CEP290: variants seen among roughly 807,000 people sequenced by gnomAD.
CEP290 encodes the protein centrosomal protein of 290 kDa.
A neutral mutation model predicts 344.9 loss-of-function variants in CEP290; 317 were observed. That is an observed-to-expected ratio of 0.92 (90% CI 0.84 to 1.01). The LOEUF is 1.01. Ranked by LOEUF, CEP290 falls within the 50% of genes least tolerant of loss-of-function variation. The probability of loss-of-function intolerance (pLI) is 0.00; values close to 1 mark genes in which losing one functional copy is unlikely to be tolerated. For synonymous variants in CEP290, 932 were observed against 895.8 expected (o/e 1.04, Z -0.72); for missense variants, 2,754 against 2,761.4 (o/e 1.00, Z 0.06).
chr12:88,049,050 GA>G lies in CEP290; in HGVS notation c.*133del. ...AATTTCATATAATTTTATTTATTAAGAATTCCAATCTAAGTATAAAGGTACA... is the reference window on the plus strand; with the variant it reads ...AATTTCATATAATTTTATTTATTAAGATTCCAATCTAAGTATAAAGGTACA... On this transcript the variant is annotated 3_prime_UTR_variant, in exon 54 of 54. Transcript: ENST00000552810. The G allele has an allele frequency of 2.2e-6, 1 of 458,218 alleles. No individual in the cohort carries two copies. The highest frequency in any genetic ancestry group is 3.5e-5 in the East Asian group (1 of 28,548). 28.4% of individuals were successfully genotyped at this position (458,218 alleles called of 1,614,324 possible).
chr12:88,113,935 G>T (rs1262190593), intron 20 of CEP290, among the ~76,000 whole-genome samples: 1 of 151,964 alleles, frequency 6.6e-6, no homozygotes, highest in African/African-American at 2.4e-5. Context: ...AGCAGATTTT[G>T]GGAAAAAACC....
intron 25 of CEP290, chr12:88,103,689 TG>T (rs1273301867): frequency 6.6e-6 from 1 of 152,076 alleles, no homozygotes; most frequent in Non-Finnish European, 1.5e-5. Flanking sequence ...CAATAAAGAA[TG>T]ATGAAAGCTG....
At chr12:88,059,070 T>C (rs772977529) in intron 48 of CEP290, 50 bp from the exon 49 acceptor site, 2 of 1,407,126 alleles carry the variant, frequency 1.4e-6, no homozygotes, top group East Asian at 4.7e-5. Context: ...AATACTGTTC[T>C]CATAGATTCA....
intron 37 of CEP290, among the ~76,000 whole-genome samples, chr12:88,080,676 G>A (rs766881938): frequency 2.0e-5 from 3 of 152,046 alleles, no homozygotes; most frequent in Non-Finnish European, 2.9e-5. Context: ...TGATAAGCCC[G>A]CTTTGGCATC....
At chr12:88,113,451 A>G (rs1041018860) in intron 20 of CEP290, among the ~76,000 whole-genome samples, 1 of 152,116 alleles carries the variant, frequency 6.6e-6, no homozygotes, top group Admixed American at 6.5e-5. Context: ...AGTTTTTAAC[A>G]TACCAGTATC....
chr12:88,050,011 A>T (rs1435438171), intron 53 of CEP290: 1 of 188,664 alleles, frequency 5.3e-6, no homozygotes, highest in African/African-American at 2.4e-5. Context: ...AACAGCAAAT[A>T]TTTTTTTAAG....
At chr12:88,053,445 T>A (rs2033726146) in intron 52 of CEP290, among the ~76,000 whole-genome samples, 1 of 152,092 alleles carries the variant, frequency 6.6e-6, no homozygotes, top group Admixed American at 6.6e-5. Context: ...ACTTGGGTAC[T>A]TGCTACTCTA....
intron 27 of CEP290, among the ~76,000 whole-genome samples, chr12:88,095,903 T>G (rs1020959543): frequency 4.6e-5 from 7 of 152,238 alleles, no homozygotes; most frequent in African/African-American, 1.7e-4. Context: ...CAATACCTTC[T>G]GAGACAGTAA....
chr12:88,106,732 T>C lies in CEP290; in HGVS notation c.2760A>G (p.Glu920=). The C allele has an allele frequency of 6.2e-7, 1 of 1,612,002 alleles. No homozygotes were observed. ...LRKENEKQKN[E]LLSMEAEVCE... ...AAACTTCAGCCTCCATTGACAACAA[T>C]TCATTCTTTTGCTTCTCATTTTCTT... The change falls in exon 25 of 54, where the codon GAA becomes GAG. Residue 920 remains glutamate, a synonymous_variant. Transcript: ENST00000552810.
rs1460191113 is a variant in CEP290 at position 88,049,079 on chromosome 12, G to A, written c.*105C>T. 1.7e-6 allele frequency: 1 copy of A among 603,734 alleles called. No homozygotes were observed. The highest frequency in any genetic ancestry group is 2.9e-6 in the Non-Finnish European group (1 of 346,632). The allele number at this position is 603,734 out of a possible 1,614,324, so 37.4% of individuals were successfully genotyped here. A position where few individuals can be genotyped will look rare whatever the true frequency, so the allele number is the denominator to read the frequency against. ...TCCAATCTAAGTATAAAGGTACAAGGTAGTGAGAAGGAAATACTACAGTTC... is the reference window on the plus strand; with the variant it reads ...TCCAATCTAAGTATAAAGGTACAAGATAGTGAGAAGGAAATACTACAGTTC... On this transcript the variant is annotated 3_prime_UTR_variant, in exon 54 of 54. Coordinates refer to ENST00000552810, the MANE Select transcript of CEP290 (RefSeq NM_025114.4).
chr12:88,126,385 A>G lies in CEP290; in HGVS notation c.996T>C (p.His332=), dbSNP rs746022535. The stretch of plus-strand genomic sequence containing the variant: ...CATTCTTAAGTTTCTCCCTTAGGTT[A>G]TGTAACATTTGCTGATACTCAATAA... ...DEIIEYQQML[H]NLREKLKNAQ... is the part of the protein sequence containing the mutation. The change falls in exon 12 of 54, where the codon CAT becomes CAC. Residue 332 remains histidine, a synonymous_variant. Coordinates refer to ENST00000552810, the MANE Select transcript of CEP290 (RefSeq NM_025114.4). The G allele has an allele frequency of 3.3e-6, 5 of 1,520,032 alleles. No homozygotes were observed. In the Admixed American group the frequency reaches 1.1e-4, roughly 35 times the overall value. The allele number at this position is 1,520,032 out of a possible 1,614,324, so 94.2% of individuals were successfully genotyped here. A position where few individuals can be genotyped will look rare whatever the true frequency, so the allele number is the denominator to read the frequency against.
At chr12:88,110,662 T>G (rs1171604917) in intron 22 of CEP290, among the ~76,000 whole-genome samples, 2 of 152,088 alleles carry the variant, frequency 1.3e-5, no homozygotes, top group Non-Finnish European at 2.9e-5. Flanking sequence ...TGAGCCAAGA[T>G]AGCGCAACTG....
chr12:88,096,642 T>G (rs964990303), intron 27 of CEP290, among the ~76,000 whole-genome samples: 1 of 152,106 alleles, frequency 6.6e-6, no homozygotes, highest in Non-Finnish European at 1.5e-5. Flanking sequence ...AGCTAATACT[T>G]AGTCATAAAT....
chr12:88,091,269 C>T (rs1242418158), intron 29 of CEP290, among the ~76,000 whole-genome samples: 34 of 151,988 alleles, frequency 2.2e-4, no homozygotes, highest in Non-Finnish European at 7.4e-5. Context: ...TATCTAAGAC[C>T]ATCACACAGT....
In CEP290 at chr12:88,111,283, T is replaced by C. The variant is rs1171982729; in HGVS notation, c.2286A>G (p.Gly762=). Reference sequence around the variant, plus strand: ...GTGCTATCCCATCAGGTAAGTCAATTCCTTTAAAAACAACATTTGATCCTT... The same window carrying C: ...GTGCTATCCCATCAGGTAAGTCAATCCCTTTAAAAACAACATTTGATCCTT... ...QSEGSNVVFK[G]IDLPDGIAPS... is the part of the protein sequence containing the mutation. Residue 762 remains glycine (G), a synonymous_variant, in exon 22 of 54, where the codon GGA becomes GGG. Coordinates refer to ENST00000552810, the MANE Select transcript of CEP290 (RefSeq NM_025114.4). 6.4e-7 allele frequency: 1 copy of C among 1,556,874 alleles called. No homozygotes were observed. The highest frequency in any genetic ancestry group is 1.4e-5 in the African/African-American group (1 of 73,470).
At chr12:88,071,749 A>G in intron 42 of CEP290, 32 bp downstream of exon 42, 17 of 1,506,460 alleles carry the variant, frequency 1.1e-5, no homozygotes, top group Non-Finnish European at 1.4e-5. Context: ...GATTTTACAC[A>G]TAATTAGTTT....
chr12:88,123,977 T>C (rs746810598), intron 13 of CEP290, among the ~76,000 whole-genome samples: 8 of 152,054 alleles, frequency 5.3e-5, no homozygotes, highest in Non-Finnish European at 1.2e-4. Flanking sequence ...ACTTTCAAAA[T>C]ACATCCAGAA....
At chr12:88,077,575 CATTA>C (rs2035873816) in intron 40 of CEP290, 118 bp downstream of exon 40, 1 of 713,884 alleles carries the variant, frequency 1.4e-6, no homozygotes, top group African/African-American at 1.8e-5. Flanking sequence ...AAATTAATTA[CATTA>C]ATCAAAGTGA....
Position 88,087,851 on chromosome 12 carries a change from A to C in CEP290, c.4123T>G (p.Leu1375Val), listed in dbSNP as rs368322148. The change falls in exon 32 of 54, where the codon TTG becomes GTG. Residue 1375 changes from leucine (L) to valine (V), a missense_variant. Leu to Val is a conservative substitution (Grantham distance 32, BLOSUM62 1). Transcript: ENST00000552810. ...TCATATTCAGAAATTATGTTATTCA[A>C]ATATTTTATTTCTTCTTTATCCTTG... ...LVKDKEEIKY[L>V]NNIISEYERT... 1 of 1,276,162 alleles carries C rather than the reference A, an allele frequency of 7.8e-7. No homozygotes were observed. The highest frequency in any genetic ancestry group is 1.0e-6 in the Non-Finnish European group (1 of 992,194). 79.1% of individuals were successfully genotyped at this position (1,276,162 alleles called of 1,614,324 possible).
Sources: allele counts gnomAD v4.1 joint callset (sites outside exome capture counted in the v4.1 genomes callset), GRCh38; gene constraint gnomAD v4.1.1; transcripts MANE v1.5; gene names NCBI Gene and HGNC (gene_info 2026-07-23, HGNC 2026-07-21).